Variants in SYNJ2 observed in about 807,000 individuals in gnomAD.
SYNJ2 encodes synaptojanin 2, also known as polyphosphatidylinositol phosphatase SYNJ2.
A neutral mutation model predicts 141.3 loss-of-function variants in SYNJ2; 116 were observed. The ratio of observed to expected loss-of-function variants is 0.82; its 90% CI spans 0.71 to 0.96. The LOEUF (loss-of-function observed/expected upper bound fraction) is 0.96. Among genes scored for constraint, SYNJ2 ranks in the 40% least tolerant of loss-of-function variants. The pLI is 0.00. For synonymous variants in SYNJ2, 745 were observed against 777.7 expected (o/e 0.96, Z 0.70); for missense variants, 1,873 against 1,934.8 (o/e 0.97, Z 0.60).
At chr6:158,064,303 C>T (rs1781419803) in intron 9 of SYNJ2, among the ~76,000 whole-genome samples, 1 of 151,602 alleles carries the variant, frequency 6.6e-6, no homozygotes, top group African/African-American at 2.4e-5. Context: ...GGTCAGCACC[C>T]CCTGCTGTCC....
At chr6:158,045,992 G>C (rs1780216314) in intron 5 of SYNJ2, among the ~76,000 whole-genome samples, 1 of 152,128 alleles carries the variant, frequency 6.6e-6, no homozygotes, top group Non-Finnish European at 1.5e-5. Flanking sequence ...ACCCAGGCTG[G>C]AGTGCAATGG....
intron 1 of SYNJ2, among the ~76,000 whole-genome samples, chr6:157,989,466 A>ATATATG (rs1554228206): frequency 1.3e-4 from 17 of 131,076 alleles, no homozygotes; most frequent in Non-Finnish European, 2.4e-4. Flanking sequence ...ATATATATAT[A>ATATATG]TGGAAAAAGA....
chr6:157,989,427 AATATATATATATATAT>A (rs34948131), intron 1 of SYNJ2, among the ~76,000 whole-genome samples: 2,365 of 96,288 alleles, frequency 0.025, 95 homozygotes, highest in African/African-American at 0.073. Flanking sequence ...TAAAAAAATG[AATATATATATATATAT>A]ATATATATAT....
chr6:157,988,854 G>A (rs570171061), intron 1 of SYNJ2, among the ~76,000 whole-genome samples: 32 of 152,258 alleles, frequency 2.1e-4, no homozygotes, highest in African/African-American at 7.0e-4. Context: ...CCAGAGCTGC[G>A]GTGCCATCAA....
chr6:158,043,382 G>A lies in SYNJ2; in HGVS notation c.778G>A (p.Glu260Lys). The change falls in exon 5 of 27, where the codon GAA becomes AAA. Residue 260 changes from glutamate to lysine, a missense_variant. Transcript: ENST00000355585. This position sits in a 1 kb window ranked among gnomAD's most constrained non-coding sequence, Gnocchi z 4.0. ...CAGAGGCTCCGTTCCGCTGTTCTGG[G>A]AACAGCCAGGGCTTCAGGTAGGTCA... ...QIRGSVPLFW[E>K]QPGLQVGSHH... The A allele has an allele frequency of 6.2e-7, 1 of 1,614,006 alleles. No individual in the cohort carries two copies. The highest frequency in any genetic ancestry group is 8.5e-7 in the Non-Finnish European group (1 of 1,179,914).
At position 158,096,845 on chromosome 6, in the gene SYNJ2, C is replaced by T. The variant is rs1291779579; in HGVS notation, c.*481C>T. 6.4e-6 allele frequency: 1 copy of T among 155,258 alleles called. No individual in the cohort carries two copies. The allele number at this position is 155,258 out of a possible 1,614,324, so 9.6% of individuals were successfully genotyped here. Reference sequence around the variant, plus strand: ...TGTGACCATTAGTAGCTGTCCTGGCCCACTTAAACAAGGTTACAAAAAATC... The same window carrying T: ...TGTGACCATTAGTAGCTGTCCTGGCTCACTTAAACAAGGTTACAAAAAATC... On this transcript the variant is annotated 3_prime_UTR_variant, in exon 27 of 27. Coordinates refer to ENST00000355585, the MANE Select transcript of SYNJ2 (RefSeq NM_003898.4).
chr6:158,092,898 A>C (rs761298404), intron 25 of SYNJ2, 28 bp from the exon 26 acceptor site: 3 of 1,560,828 alleles, frequency 1.9e-6, no homozygotes, highest in Non-Finnish European at 2.6e-6. Context: ...TGTCCTTTAC[A>C]CTTCAGCCAT....
At chr6:158,069,039 G>A (rs1231721184) in intron 13 of SYNJ2, among the ~76,000 whole-genome samples, 1 of 152,176 alleles carries the variant, frequency 6.6e-6, no homozygotes, top group Non-Finnish European at 1.5e-5. Flanking sequence ...GTGGACCTGG[G>A]GTGCAGGGGA....
intron 25 of SYNJ2, among the ~76,000 whole-genome samples, chr6:158,091,926 A>C (rs1783482883): frequency 6.6e-6 from 1 of 152,118 alleles, no homozygotes; most frequent in African/African-American, 2.4e-5. Context: ...CTTGCTTTCC[A>C]GGGACTGGAA....
intron 24 of SYNJ2, among the ~76,000 whole-genome samples, 161 bp from the exon 25 acceptor site, chr6:158,089,678 C>T (rs1783304569): frequency 6.6e-6 from 1 of 151,952 alleles, no homozygotes; most frequent in Non-Finnish European, 1.5e-5. Flanking sequence ...AAAGAGAGTG[C>T]TCCAGGAAAG....
Position 158,027,079 on chromosome 6 carries a change from G to A in SYNJ2, c.215-1677G>A. ...ATGGCATAGCAGCAGGCCCCTGGGA[G>A]CCCTGAGCGCTCATTAAAGGAACGC... On this transcript the variant is annotated intron_variant, in intron 2 of 26. Transcript: ENST00000355585. The surrounding 1 kb of genome is among the most constrained non-coding windows in gnomAD (Gnocchi z 4.6). 1.0e-6 allele frequency: 1 copy of A among 985,392 alleles called. No individual in the cohort carries two copies. The highest frequency in any genetic ancestry group is 4.7e-5 in the South Asian group (1 of 21,286). 61.0% of individuals were successfully genotyped at this position (985,392 alleles called of 1,614,324 possible). A position where few individuals can be genotyped will look rare whatever the true frequency, so the allele number is the denominator to read the frequency against.
chr6:158,006,104 G>C (rs974327151), intron 1 of SYNJ2, among the ~76,000 whole-genome samples: 16 of 152,086 alleles, frequency 1.1e-4, no homozygotes, highest in African/African-American at 3.6e-4. Flanking sequence ...CACAAAACTT[G>C]GTATAAATGC....
At chr6:158,003,148 TG>T (rs1777923552) in intron 1 of SYNJ2, among the ~76,000 whole-genome samples, 1 of 152,132 alleles carries the variant, frequency 6.6e-6, no homozygotes, top group African/African-American at 2.4e-5. Flanking sequence ...ATGGCGTTGG[TG>T]GGAGGTAGTG....
At chr6:158,048,981 G>A (rs1780406846) in intron 5 of SYNJ2, among the ~76,000 whole-genome samples, 1 of 152,170 alleles carries the variant, frequency 6.6e-6, no homozygotes, top group South Asian at 2.1e-4. Context: ...CAGATGGGAG[G>A]CCGTTGAGCT....
At chr6:158,055,961 A>G (rs187508652) in intron 6 of SYNJ2, among the ~76,000 whole-genome samples, 2 of 152,348 alleles carry the variant, frequency 1.3e-5, no homozygotes, top group East Asian at 1.9e-4. Context: ...GTTGACATTC[A>G]TCTATACTAA....
At position 158,027,269 on chromosome 6, in the gene SYNJ2, C is replaced by A; in HGVS notation, c.215-1487C>A. The A allele has an allele frequency of 1.1e-6, 1 of 905,644 alleles. No individual in the cohort carries two copies. Among genetic ancestry groups the A allele is most frequent in the Non-Finnish European group, 1.3e-6 (1 of 757,342 alleles). The allele number at this position is 905,644 out of a possible 1,614,324, so 56.1% of individuals were successfully genotyped here. ...ATCTCCAGACCATGGCTGTAGACAG[C>A]GGCCCTTGATCATTCACAGAAGATC... On this transcript the variant is annotated intron_variant, in intron 2 of 26. Coordinates refer to ENST00000355585, the MANE Select transcript of SYNJ2 (RefSeq NM_003898.4). The surrounding 1 kb of genome is among the most constrained non-coding windows in gnomAD (Gnocchi z 4.6).
Position 158,088,033 on chromosome 6 carries a change from AAT to A in SYNJ2, c.3344-626_3344-625del, listed in dbSNP as rs1562405264. Reference sequence around the variant, plus strand: ...TTAACAGTTTATTCCCCTGCTTTGGAATTTTTTTTTTTTTTTTTTTTTTTTTT... The same window carrying A: ...TTAACAGTTTATTCCCCTGCTTTGGATTTTTTTTTTTTTTTTTTTTTTTTT... On this transcript the variant is annotated intron_variant, in intron 23 of 26. Transcript: ENST00000355585. 1.9e-4 allele frequency among the ~76,000 whole-genome samples: 7 copies of A among 36,862 alleles called. 1 individual carries two copies. Among genetic ancestry groups the A allele is most frequent in the Admixed American group, 2.8e-4 (1 of 3,552 alleles). 24.2% of individuals were successfully genotyped at this position (36,862 alleles called of 152,430 possible). A position where few individuals can be genotyped will look rare whatever the true frequency, so the allele number is the denominator to read the frequency against.
intron 1 of SYNJ2, among the ~76,000 whole-genome samples, chr6:158,006,360 A>C (rs1233495969): frequency 1.3e-5 from 2 of 152,094 alleles, no homozygotes; most frequent in African/African-American, 4.8e-5. Context: ...CTTTACTGAA[A>C]CTGTTCCTCT....
intron 12 of SYNJ2, chr6:158,068,079 A>G (rs768351296): frequency 1.4e-6 from 1 of 728,132 alleles, no homozygotes; most frequent in Middle Eastern, 7.1e-4. Flanking sequence ...CAGAGAAGGA[A>G]AGGAGTGCTG....
Sources: gnomAD v4.1 joint callset for allele counts (sites outside exome capture counted in the v4.1 genomes callset) on GRCh38, gnomAD v4.1.1 for gene constraint, Gnocchi (gnomAD v3.1) non-coding constraint, MANE v1.5 for transcripts, NCBI Gene and HGNC (gene_info 2026-07-23, HGNC 2026-07-21) for gene names.